Variants in DIS3L2 observed in about 807,000 individuals in gnomAD.
The protein encoded by DIS3L2 is DIS3 like 3'-5' exoribonuclease 2, also known as DIS3-like exonuclease 2.
DIS3L2 carries 34 observed loss-of-function variants against 97.5 expected under a neutral mutation model. The observed-to-expected ratio is 0.35, with a 90% CI of 0.27 to 0.46. DIS3L2 has a LOEUF of 0.46. Among genes scored for constraint, DIS3L2 ranks in the 20% least tolerant of loss-of-function variants. The pLI is 1.00. For synonymous variants in DIS3L2, 435 were observed against 445.2 expected (o/e 0.98, Z 0.29); for missense variants, 1,038 against 1,146.0 (o/e 0.91, Z 1.36).
intron 14 of DIS3L2, among the ~76,000 whole-genome samples, chr2:232,326,218 G>C (rs1695568700): frequency 6.6e-6 from 1 of 152,186 alleles, no homozygotes; most frequent in Non-Finnish European, 1.5e-5. Flanking sequence ...TGGCCCACCA[G>C]GGAATTGACA....
chr2:232,162,846 G>C (rs1260167812), intron 8 of DIS3L2, among the ~76,000 whole-genome samples: 3 of 152,176 alleles, frequency 2.0e-5, no homozygotes, highest in African/African-American at 7.2e-5. Flanking sequence ...GTGGAACCCT[G>C]TTCATAATGT....
intron 9 of DIS3L2, among the ~76,000 whole-genome samples, chr2:232,163,840 G>A (rs1191602799): frequency 1.3e-5 from 2 of 151,998 alleles, no homozygotes; most frequent in African/African-American, 4.8e-5. Flanking sequence ...AGCTAAGAAT[G>A]GTTTTTACAT....
chr2:232,244,130 G>A (rs1693179838), intron 11 of DIS3L2, among the ~76,000 whole-genome samples: 2 of 152,240 alleles, frequency 1.3e-5, no homozygotes, highest in South Asian at 4.1e-4. Flanking sequence ...TTATCTGAGA[G>A]AGGAAGAGAG....
intron 1 of DIS3L2, among the ~76,000 whole-genome samples, chr2:231,997,322 C>A (rs1182872086): frequency 1.3e-4 from 20 of 152,198 alleles, no homozygotes; most frequent in Non-Finnish European, 2.6e-4. Context: ...GACATTTAAT[C>A]TTTTAAATCC....
At chr2:232,146,371 G>A (rs1327868860) in intron 8 of DIS3L2, among the ~76,000 whole-genome samples, 1 of 152,138 alleles carries the variant, frequency 6.6e-6, no homozygotes, top group Non-Finnish European at 1.5e-5. Context: ...TTTGTAGTAG[G>A]ATGCTTTTAG....
intron 8 of DIS3L2, among the ~76,000 whole-genome samples, chr2:232,155,175 C>A (rs922662714): frequency 1.3e-5 from 2 of 151,648 alleles, no homozygotes; most frequent in Non-Finnish European, 2.9e-5. Context: ...GCGTCGCTCA[C>A]GCTGGGAGCT....
chr2:232,154,153 C>T (rs779955338), intron 8 of DIS3L2, among the ~76,000 whole-genome samples: 163 of 49,078 alleles, frequency 3.3e-3, no homozygotes, highest in Non-Finnish European at 5.3e-3. Context: ...TTTGAATGTC[C>T]TCCCGTAGCT....
At chr2:232,046,139 A>G (rs751078737) in intron 5 of DIS3L2, among the ~76,000 whole-genome samples, 9 of 152,180 alleles carry the variant, frequency 5.9e-5, no homozygotes, top group East Asian at 3.9e-4. Context: ...ATGATGCACT[A>G]TCTTCAGTCT....
intron 6 of DIS3L2, among the ~76,000 whole-genome samples, chr2:232,127,369 G>A (rs1287175469): frequency 6.6e-6 from 1 of 152,156 alleles, no homozygotes; most frequent in Non-Finnish European, 1.5e-5. Context: ...GTGTCAGAAA[G>A]CTGGAAATAA....
intron 10 of DIS3L2, among the ~76,000 whole-genome samples, chr2:232,232,198 A>AG (rs1259258177): frequency 1.3e-5 from 2 of 148,660 alleles, no homozygotes; most frequent in Admixed American, 1.3e-4. Flanking sequence ...GATGGTGTGC[A>AG]GGGGAGGAGT....
intron 5 of DIS3L2, among the ~76,000 whole-genome samples, chr2:232,086,494 A>G (rs1696625168): frequency 6.8e-6 from 1 of 147,100 alleles, no homozygotes. Context: ...TACCTGTGAT[A>G]TTTTCTCCAT....
At chr2:231,962,261 T>C (rs1451789245) in intron 1 of DIS3L2, among the ~76,000 whole-genome samples, 1 of 145,904 alleles carries the variant, frequency 6.9e-6, no homozygotes, top group Non-Finnish European at 1.5e-5. Flanking sequence ...ATCTCCTTTA[T>C]TGATCATAGA....
intron 13 of DIS3L2, among the ~76,000 whole-genome samples, chr2:232,285,414 G>A (rs1286041544): frequency 6.6e-6 from 1 of 152,190 alleles, no homozygotes; most frequent in East Asian, 1.9e-4. Flanking sequence ...CAACTGGGTG[G>A]GTCAGTCTAC....
chr2:232,192,003 C>T (rs995979412), intron 9 of DIS3L2, among the ~76,000 whole-genome samples: 1 of 152,166 alleles, frequency 6.6e-6, no homozygotes, highest in Non-Finnish European at 1.5e-5. Flanking sequence ...CTTCTCTACC[C>T]TAGTGTTTGT....
chr2:232,059,659 C>G (rs551803887), intron 5 of DIS3L2, among the ~76,000 whole-genome samples: 1 of 152,186 alleles, frequency 6.6e-6, no homozygotes, highest in African/African-American at 2.4e-5. Context: ...CTGGGAGTCC[C>G]CAGTGTCTGT....
chr2:231,981,598 T>TATATA (rs1693257935), intron 1 of DIS3L2, among the ~76,000 whole-genome samples: 2 of 84,056 alleles, frequency 2.4e-5, no homozygotes, highest in South Asian at 5.1e-4. Context: ...GTTAAGTATT[T>TATATA]TATATATATA....
chr2:231,962,836 T>G (rs903768808), intron 1 of DIS3L2, among the ~76,000 whole-genome samples: 11 of 152,192 alleles, frequency 7.2e-5, no homozygotes, highest in Non-Finnish European at 1.6e-4. Context: ...ACGTGTGGTG[T>G]TTAGTTTTCT....
Position 232,329,846 on chromosome 2 carries a change from G to C in DIS3L2, c.1773G>C (p.Met591Ile), listed in dbSNP as rs761577468. ...AGGAGTTCATGCTCTTGGCCAACATGGCAGTGGCCCACAAGATCCACCGCG... is the reference window on the plus strand; with the variant it reads ...AGGAGTTCATGCTCTTGGCCAACATCGCAGTGGCCCACAAGATCCACCGCG... ...LVEEFMLLANMAVAHKIHRAF... is the reference protein window; with the variant it reads ...LVEEFMLLANIAVAHKIHRAF... Residue 591 changes from methionine (M) to isoleucine (I), a missense_variant, in exon 15 of 21, where the codon ATG becomes ATC. Physicochemically the swap from Met to Ile is conservative, Grantham distance 10 (BLOSUM62 1). This residue lies in a region of DIS3L2 where 813 missense variants were observed against 880.1 expected (regional missense o/e 0.92). Transcript: ENST00000325385. 1 of 1,331,782 alleles carries C rather than the reference G, an allele frequency of 7.5e-7. No individual in the cohort carries two copies. The highest frequency in any genetic ancestry group is 5.0e-5 in the East Asian group (1 of 19,888). The allele number at this position is 1,331,782 out of a possible 1,614,324, so 82.5% of individuals were successfully genotyped here.
chr2:232,342,162 TAC>T (rs1434305985), downstream of DIS3L2, among the ~76,000 whole-genome samples: 2 of 151,998 alleles, frequency 1.3e-5, no homozygotes, highest in Non-Finnish European at 2.9e-5. Context: ...CATATACATA[TAC>T]ACATACACAT....
Sources: gnomAD v4.1 joint callset for allele counts (sites outside exome capture counted in the v4.1 genomes callset) on GRCh38, gnomAD v4.1.1 for gene constraint, gnomAD v4.1.1 regional missense constraint, MANE v1.5 for transcripts, NCBI Gene and HGNC (gene_info 2026-07-23, HGNC 2026-07-21) for gene names.